Variants in XAB2 observed in about 807,000 individuals in gnomAD.
XAB2 encodes the protein pre-mRNA-splicing factor SYF1.
XAB2 carries 57 observed loss-of-function variants against 113.4 expected under a neutral mutation model. The ratio of observed to expected loss-of-function variants is 0.50; its 90% CI spans 0.41 to 0.63. The LOEUF (loss-of-function observed/expected upper bound fraction) is 0.63, where lower values mean the gene tolerates loss of function less well. Among genes scored for constraint, XAB2 ranks in the 20% least tolerant of loss-of-function variants. The probability of loss-of-function intolerance (pLI) is 0.00; values close to 1 mark genes in which losing one functional copy is unlikely to be tolerated. For missense variants in XAB2, 1,037 were observed against 1,233.3 expected (o/e 0.84, Z 2.38); for synonymous variants, 497 against 498.8 (o/e 1.00, Z 0.05).
At chr19:7,621,095 G>GGGCCCCCCCCCCCCCCCCCCCCC in intron 13 of XAB2, 40 bp downstream of exon 13, 1 of 1,486,294 alleles carries the variant, frequency 6.7e-7, no homozygotes, top group Non-Finnish European at 9.0e-7. Context: ...CAGAAACCCA[G>GGGCCCCCCCCCCCCCCCCCCCCC]CCCGCCCGCC....
rs544124333 is a variant in XAB2, at chr19:7,627,566, C to A, written c.325-126G>T. The A allele has an allele frequency of 1.3e-6, 2 of 1,506,520 alleles. No individual in the cohort carries two copies. Among genetic ancestry groups the A allele is most frequent in the African/African-American group, 2.8e-5 (2 of 72,494 alleles). The allele number at this position is 1,506,520 out of a possible 1,614,324, so 93.3% of individuals were successfully genotyped here. A position where few individuals can be genotyped will look rare whatever the true frequency, so the allele number is the denominator to read the frequency against. ...CATAAATGCGGCGGGACCCAGAAAC[C>A]CCCAGCTCCAGGACTGAGTCCAGCC... is the stretch of plus-strand genomic sequence containing the variant. On this transcript the variant is annotated intron_variant, in intron 3 of 18. Transcript: ENST00000358368. This position sits in a 1 kb window ranked among gnomAD's most constrained non-coding sequence, Gnocchi z 4.5.
At position 7,627,265 on chromosome 19, in the gene XAB2, C is replaced by T. The variant is rs777328040; in HGVS notation, c.500G>A (p.Arg167Gln). 11 of 1,613,310 alleles carry T rather than the reference C, an allele frequency of 6.8e-6. No individual in the cohort carries two copies. Among genetic ancestry groups the T allele is most frequent in the Admixed American group, 5.0e-5 (3 of 60,020 alleles). Reference protein sequence around the residue: ...RSHPLPETAVRGYRRFLKLSP... With the variant: ...RSHPLPETAVQGYRRFLKLSP... ...CACCTTGAGGAAGCGCCGATAGCCT[C>T]GCACAGCTGTCTCAGGCAGTGGGTG... The change falls in exon 4 of 19, where the codon CGA becomes CAA. Residue 167 changes from arginine to glutamine, a missense_variant. Arg to Gln is a conservative substitution (Grantham distance 43). Transcript: ENST00000358368. This position sits in a 1 kb window ranked among gnomAD's most constrained non-coding sequence, Gnocchi z 4.5.
chr19:7,620,144 A>G, intron 16 of XAB2, 69 bp from the exon 17 acceptor site: 1 of 1,595,176 alleles, frequency 6.3e-7, no homozygotes, highest in Non-Finnish European at 8.5e-7. Context: ...GCACTATCCC[A>G]GTCCCCCAGG....
At position 7,623,210 on chromosome 19, in the gene XAB2, G is replaced by A. The variant is rs755052759; in HGVS notation, c.1199C>T (p.Ala400Val). The change falls in exon 9 of 19, where the codon GCG becomes GTG. Residue 400 changes from alanine to valine, a missense_variant. By Grantham distance (64) the Ala-to-Val change is moderately conservative. Transcript: ENST00000358368. The surrounding 1 kb of genome is among the most constrained non-coding windows in gnomAD (Gnocchi z 4.6). ...GTTGTCCTCATAAAACTTGGCAAACGCCACCCACAGAGTGTGGGGCTTGCC... is the reference window on the plus strand; with the variant it reads ...GTTGTCCTCATAAAACTTGGCAAACACCACCCACAGAGTGTGGGGCTTGCC... ...ATGKPHTLWV[A>V]FAKFYEDNGQ... The A allele has an allele frequency of 3.1e-6, 5 of 1,613,798 alleles. No individual in the cohort carries two copies. The highest frequency in any genetic ancestry group is 4.2e-6 in the Non-Finnish European group (5 of 1,180,030).
In XAB2 at chr19:7,627,718, A is replaced by G; in HGVS notation, c.324+10T>C. 1 of 1,605,838 alleles carries G rather than the reference A, an allele frequency of 6.2e-7. No individual in the cohort carries two copies. Among genetic ancestry groups the G allele is most frequent in the Non-Finnish European group, 8.5e-7 (1 of 1,175,966 alleles). ...CACTTCCCGATTCATCCCCTCGCCGAGCCCCAAACCTTGTGCATGAACACA... is the reference window on the plus strand; with the variant it reads ...CACTTCCCGATTCATCCCCTCGCCGGGCCCCAAACCTTGTGCATGAACACA... On this transcript the variant is annotated intron_variant, in intron 3 of 18. Transcript: ENST00000358368. This position sits in a 1 kb window ranked among gnomAD's most constrained non-coding sequence, Gnocchi z 4.5.
chr19:7,619,926 G>A lies in XAB2; in HGVS notation c.2396+20C>T, dbSNP rs749861730. On this transcript the variant is annotated intron_variant, in intron 17 of 18. Coordinates refer to ENST00000358368, the MANE Select transcript of XAB2 (RefSeq NM_020196.3). The stretch of plus-strand genomic sequence containing the variant: ...TTGGGACCTGTCCCAGTCCTGTCCC[G>A]TCCAAGGATCCGCCCTCACCTCACG... 3.7e-6 allele frequency: 6 copies of A among 1,609,912 alleles called. No homozygotes were observed. Among genetic ancestry groups the A allele is most frequent in the East Asian group, 4.5e-5 (2 of 44,896 alleles).
At chr19:7,626,406 C>T in intron 4 of XAB2, 136 bp from the exon 5 acceptor site, 1 of 1,278,370 alleles carries the variant, frequency 7.8e-7, no homozygotes, top group Non-Finnish European at 1.1e-6. Context: ...TCAAACCAGC[C>T]TCAGCCCCAC....
At position 7,624,386 on chromosome 19, in the gene XAB2, C is replaced by T. The variant is rs2031097311; in HGVS notation, c.882G>A (p.Gln294=). The change falls in exon 7 of 19, where the codon CAG becomes CAA. Residue 294 remains glutamine, a synonymous_variant. Transcript: ENST00000358368. This position sits in a 1 kb window ranked among gnomAD's most constrained non-coding sequence, Gnocchi z 4.2. Reference sequence around the variant, plus strand: ...CGAACTGGGCGTAGCTGTCAAACACCTGTGTGAAGTCCCGCACGGTCATCA... The same window carrying T: ...CGAACTGGGCGTAGCTGTCAAACACTTGTGTGAAGTCCCGCACGGTCATCA... ...RTVMTVRDFT[Q]VFDSYAQFEE... 1.2e-6 allele frequency: 2 copies of T among 1,614,222 alleles called. No homozygotes were observed. The highest frequency in any genetic ancestry group is 4.5e-5 in the East Asian group (2 of 44,884).
chr19:7,622,695 A>G (rs774434673), intron 10 of XAB2, 34 bp from the exon 11 acceptor site: 5 of 1,612,304 alleles, frequency 3.1e-6, no homozygotes, highest in African/African-American at 2.7e-5. Context: ...GGAGGCGCTC[A>G]GGGGCTGTCC....
In XAB2 at chr19:7,627,197, G is replaced by A. The variant is rs4134825; in HGVS notation, c.522+46C>T. 0.13 allele frequency: 201,564 copies of A among 1,600,362 alleles called. 13,735 individuals carry two copies. Among genetic ancestry groups the A allele is most frequent in the Non-Finnish European group, 0.14 (167,638 of 1,176,196 alleles). ...GCGGAGCTAGTGTCACAGTGAGGCC[G>A]TTTCTGGAAACTAACCTGGGGAACC... On this transcript the variant is annotated intron_variant, in intron 4 of 18. Coordinates refer to ENST00000358368, the MANE Select transcript of XAB2 (RefSeq NM_020196.3). This position sits in a 1 kb window ranked among gnomAD's most constrained non-coding sequence, Gnocchi z 4.5.
In XAB2 at chr19:7,620,445, G is replaced by A. The variant is rs770164799; in HGVS notation, c.2096C>T (p.Thr699Met). Residue 699 changes from threonine (T) to methionine (M), a missense_variant and splice_region_variant, in exon 16 of 19, where the codon ACG becomes ATG. Thr to Met is a moderately conservative substitution (Grantham distance 81). Transcript: ENST00000358368. ...SFCSQICDPR[T>M]TGAFWQTWKD... ...CCACGTCTGCCAGAACGCGCCGGTC[G>A]TCTGCGTGGGGGGCAGGGCAGGGGT... 14 of 1,608,504 alleles carry A rather than the reference G, an allele frequency of 8.7e-6. No individual in the cohort carries two copies. The highest frequency in any genetic ancestry group is 4.0e-5 in the African/African-American group (3 of 74,880).
rs897113154 is a variant in XAB2 at position 7,625,116 on chromosome 19, C to T, written c.823-671G>A. Among the ~76,000 whole-genome samples the T allele has an allele frequency of 3.9e-5, 6 of 152,336 alleles. No homozygotes were observed. Among genetic ancestry groups the T allele is most frequent in the African/African-American group, 9.6e-5 (4 of 41,578 alleles). Reference sequence around the variant, plus strand: ...CTGGGTTCCTGAGCCTCCCCGCTCTCGGCTCTGGCCCCCTCTGCACCCACC... The same window carrying T: ...CTGGGTTCCTGAGCCTCCCCGCTCTTGGCTCTGGCCCCCTCTGCACCCACC... On this transcript the variant is annotated intron_variant, in intron 6 of 18. Transcript: ENST00000358368. The surrounding 1 kb of genome is among the most constrained non-coding windows in gnomAD (Gnocchi z 5.2).
At position 7,623,740 on chromosome 19, in the gene XAB2, G is replaced by A. The variant is rs2031082918; in HGVS notation, c.1110C>T (p.Arg370=). ...WHKRVALHQG[R]PREIINTYTE... ...GGCAGGCTTCATGTACCTCCCGGGG[G>A]CGGCCCTGGTGCAGGGCGACACGCT... Residue 370 remains arginine (R), a synonymous_variant, in exon 8 of 19, where the codon CGC becomes CGT. Transcript: ENST00000358368. This position sits in a 1 kb window ranked among gnomAD's most constrained non-coding sequence, Gnocchi z 4.6. 6.2e-7 allele frequency: 1 copy of A among 1,602,646 alleles called. No homozygotes were observed. The highest frequency in any genetic ancestry group is 1.1e-5 in the South Asian group (1 of 90,122).
At chr19:7,621,095 G>GCCCCCCCCCCCCCCCCCCCCAACCC in intron 13 of XAB2, 40 bp downstream of exon 13, 1 of 1,486,330 alleles carries the variant, frequency 6.7e-7, no homozygotes, top group Non-Finnish European at 9.0e-7. Flanking sequence ...CAGAAACCCA[G>GCCCCCCCCCCCCCCCCCCCCAACCC]CCCGCCCGCC....
Position 7,623,023 on chromosome 19 carries a change from CAT to C in XAB2, c.1240-132_1240-131del. ...ACACAGGCACACACACAGGCACACACATGCGTGCACATATGCATGCACCCAAA... is the reference window on the plus strand; with the variant it reads ...ACACAGGCACACACACAGGCACACACGCGTGCACATATGCATGCACCCAAA... On this transcript the variant is annotated intron_variant, in intron 9 of 18. Transcript: ENST00000358368. The surrounding 1 kb of genome is among the most constrained non-coding windows in gnomAD (Gnocchi z 4.6). 1.3e-6 allele frequency: 2 copies of C among 1,531,422 alleles called. No individual in the cohort carries two copies. The highest frequency in any genetic ancestry group is 1.8e-6 in the Non-Finnish European group (2 of 1,137,008). 94.9% of individuals were successfully genotyped at this position (1,531,422 alleles called of 1,614,324 possible). A position where few individuals can be genotyped will look rare whatever the true frequency, so the allele number is the denominator to read the frequency against.
chr19:7,628,323 A>G lies in XAB2; in HGVS notation c.52-25T>C, dbSNP rs564912609. 1 of 1,613,512 alleles carries G rather than the reference A, an allele frequency of 6.2e-7. No individual in the cohort carries two copies. The highest frequency in any genetic ancestry group is 1.3e-5 in the African/African-American group (1 of 75,008). On this transcript the variant is annotated intron_variant, in intron 1 of 18. Coordinates refer to ENST00000358368, the MANE Select transcript of XAB2 (RefSeq NM_020196.3). This position sits in a 1 kb window ranked among gnomAD's most constrained non-coding sequence, Gnocchi z 4.6. ...CCTGCCAGGGCCAGGGAATGGGAAG[A>G]AGAGAGGCCTACCCTCAGAGCCTGT...
rs2031100392 is a variant in XAB2 at position 7,624,525 on chromosome 19, T to C, written c.823-80A>G. ...GCAGCACTCTTAGCACCAGCCTCAA[T>C]GTGGAACCCCTGGGGGCCTTCTGGG... On this transcript the variant is annotated intron_variant, in intron 6 of 18. Transcript: ENST00000358368. The surrounding 1 kb of genome is among the most constrained non-coding windows in gnomAD (Gnocchi z 4.2). The C allele has an allele frequency of 1.9e-6, 3 of 1,598,830 alleles. No individual in the cohort carries two copies. Among genetic ancestry groups the C allele is most frequent in the Non-Finnish European group, 2.6e-6 (3 of 1,174,940 alleles).
At chr19:7,622,734 C>T (rs1403537566) in intron 10 of XAB2, 28 bp downstream of exon 10, 3 of 1,613,332 alleles carry the variant, frequency 1.9e-6, no homozygotes, top group African/African-American at 2.7e-5. Context: ...CCTGCAGCCC[C>T]CACCCCACAG....
chr19:7,621,921 A>G (rs968380129), intron 12 of XAB2: 3 of 217,168 alleles, frequency 1.4e-5, no homozygotes, highest in Non-Finnish European at 2.8e-5. Context: ...CAAAACATTC[A>G]TATGCTCAAA....
Sources: allele counts gnomAD v4.1 joint callset (sites outside exome capture counted in the v4.1 genomes callset), GRCh38; gene constraint gnomAD v4.1.1; non-coding constraint Gnocchi (gnomAD v3.1); transcripts MANE v1.5; gene names NCBI Gene and HGNC (gene_info 2026-07-23, HGNC 2026-07-21).